NOL6: variants seen among roughly 807,000 people sequenced by gnomAD.
The protein encoded by NOL6 is nucleolar protein 6.
A neutral mutation model predicts 131.7 loss-of-function variants in NOL6; 33 were observed. That is an observed-to-expected ratio of 0.25 (90% CI 0.19 to 0.33). The LOEUF is 0.33. Ranked by LOEUF, NOL6 falls within the 10% of genes least tolerant of loss-of-function variation. The pLI, the probability that NOL6 is intolerant of heterozygous loss-of-function variation, is 1.00. For synonymous variants in NOL6, 580 were observed against 605.7 expected (o/e 0.96, Z 0.62); for missense variants, 1,297 against 1,494.5 (o/e 0.87, Z 2.18).
intron 23 of NOL6, 50 bp downstream of exon 23, chr9:33,463,781 A>G (rs376418116): frequency 3.8e-6 from 6 of 1,591,976 alleles, no homozygotes; most frequent in Non-Finnish European, 5.2e-6. Flanking sequence ...CTGAACTTCC[A>G]AAGACAGAAT....
At chr9:33,473,758 G>T in intron 1 of NOL6, 31 bp downstream of exon 1, 1 of 1,610,784 alleles carries the variant, frequency 6.2e-7, no homozygotes, top group Non-Finnish European at 8.5e-7. Context: ...CGCACATTGA[G>T]CCTCTGTTCC....
At chr9:33,472,585 A>G (rs1370392225) in intron 1 of NOL6, 173 bp from the exon 2 acceptor site, 2 of 620,506 alleles carry the variant, frequency 3.2e-6, no homozygotes, top group African/African-American at 1.8e-5. Flanking sequence ...AACATCACTG[A>G]GCGCTGAGCC....
At position 33,467,609 on chromosome 9, in the gene NOL6, G is replaced by A. The variant is rs150911524; in HGVS notation, c.1602+82C>T. 5.5e-5 allele frequency: 87 copies of A among 1,572,692 alleles called. No homozygotes were observed. In the African/African-American group the frequency reaches 8.5e-4, roughly 15 times the overall value. On this transcript the variant is annotated intron_variant, in intron 12 of 25. Coordinates refer to ENST00000297990, the MANE Select transcript of NOL6 (RefSeq NM_022917.5). This position sits in a 1 kb window ranked among gnomAD's most constrained non-coding sequence, Gnocchi z 4.4. ...AGCTAGCTAGAAACGCCTAGCTGGA[G>A]GAATGGTGTGTCCTTTGTGTCTCTT... is the stretch of plus-strand genomic sequence containing the variant.
chr9:33,468,265 G>C, intron 10 of NOL6, 56 bp downstream of exon 10: 2 of 1,609,206 alleles, frequency 1.2e-6, no homozygotes, highest in Non-Finnish European at 1.7e-6. Flanking sequence ...ACTTGCAAAA[G>C]GGACAGAGTC....
At chr9:33,468,463 T>TA in intron 9 of NOL6, 41 bp from the exon 10 acceptor site, 1 of 1,613,460 alleles carries the variant, frequency 6.2e-7, no homozygotes, top group Non-Finnish European at 8.5e-7. Flanking sequence ...ATTGGCACCT[T>TA]ACTTGCAGGC....
Position 33,464,936 on chromosome 9 carries a change from A to C in NOL6, c.2722T>G (p.Ser908Ala). The change falls in exon 21 of 26, where the codon TCA becomes GCA. Residue 908 changes from serine to alanine, a missense_variant. Physicochemically the swap from Ser to Ala is moderately conservative, Grantham distance 99. Coordinates refer to ENST00000297990, the MANE Select transcript of NOL6 (RefSeq NM_022917.5). ...GGGTTGTTCTTCCAATCAAACGTTG[A>C]TACCAAGAAAAGGAATCGAAGGAAG... ...VGFLRFLFLVSTFDWKNNPLF... is the reference protein window; with the variant it reads ...VGFLRFLFLVATFDWKNNPLF... 6.2e-7 allele frequency: 1 copy of C among 1,614,066 alleles called. No homozygotes were observed. Among genetic ancestry groups the C allele is most frequent in the Non-Finnish European group, 8.5e-7 (1 of 1,180,012 alleles).
In NOL6 at chr9:33,466,677, C is replaced by G; in HGVS notation, c.1983G>C (p.Ala661=). The change falls in exon 16 of 26, where the codon GCG becomes GCC. Residue 661 remains alanine, a synonymous_variant. Coordinates refer to ENST00000297990, the MANE Select transcript of NOL6 (RefSeq NM_022917.5). ...TSSTGEEALV[A]AVRCYDDLSR... ...TGAGGTCGTCGTAGCAACGTACCGC[C>G]GCTACCAGGGCCTCCTCACCTGTGC... The G allele has an allele frequency of 6.2e-7, 1 of 1,613,856 alleles. No homozygotes were observed. Among genetic ancestry groups the G allele is most frequent in the Non-Finnish European group, 8.5e-7 (1 of 1,179,960 alleles).
intron 3 of NOL6, 127 bp downstream of exon 3, chr9:33,471,877 T>C (rs886309721): frequency 2.7e-6 from 2 of 733,332 alleles, no homozygotes; most frequent in Non-Finnish European, 4.9e-6. Context: ...CCAGCTAAGC[T>C]TCCTTGCTGT....
In NOL6 at chr9:33,468,558, C is replaced by T. The variant is rs546481675; in HGVS notation, c.1156G>A (p.Asp386Asn). 574 of 1,614,142 alleles carry T rather than the reference C, an allele frequency of 3.6e-4. 7 individuals carry two copies. The South Asian group carries it at 5.9e-3, about 17-fold the overall frequency. Residue 386 changes from aspartate (D) to asparagine (N), a missense_variant, in exon 9 of 26, where the codon GAC becomes AAC. By Grantham distance (23) the Asp-to-Asn change is conservative. Coordinates refer to ENST00000297990, the MANE Select transcript of NOL6 (RefSeq NM_022917.5). The part of the protein sequence containing the change: ...RSVLQFLATT[D>N]LTVNGISLCL... ...AAACTGATCCCGTTGACTGTCAGGT[C>T]TGTAGTGGCTGAAGTGAATCACAAG...
In NOL6 at chr9:33,467,736, C is replaced by T. The variant is rs771614427; in HGVS notation, c.1557G>A (p.Gly519=). Reference sequence around the variant, plus strand: ...AGTGAGCCAGCAGGTTCAGCCGAGCCCCCAGGCCCTGCTCCAGGAGGGTGG... The same window carrying T: ...AGTGAGCCAGCAGGTTCAGCCGAGCTCCCAGGCCCTGCTCCAGGAGGGTGG... ...PLTTLLEQGL[G]ARLNLLAHSR... The change falls in exon 12 of 26, where the codon GGG becomes GGA. Residue 519 remains glycine (G), a synonymous_variant. Transcript: ENST00000297990. The surrounding 1 kb of genome is among the most constrained non-coding windows in gnomAD (Gnocchi z 4.4). The T allele has an allele frequency of 2.0e-4, 322 of 1,598,180 alleles. No individual in the cohort carries two copies. The highest frequency in any genetic ancestry group is 2.7e-4 in the Non-Finnish European group (312 of 1,173,132).
Position 33,468,019 on chromosome 9 carries a change from C to G in NOL6, c.1424+11G>C, listed in dbSNP as rs1244805513. On this transcript the variant is annotated intron_variant, in intron 11 of 25. Coordinates refer to ENST00000297990, the MANE Select transcript of NOL6 (RefSeq NM_022917.5). ...GGACCCGCCAACATACCCTGTCACC[C>G]CTAAACTCACTGCAGGACATGGTCA... 6.2e-7 allele frequency: 1 copy of G among 1,614,106 alleles called. No homozygotes were observed. Among genetic ancestry groups the G allele is most frequent in the Non-Finnish European group, 8.5e-7 (1 of 1,180,028 alleles).
At chr9:33,466,784 G>A in intron 15 of NOL6, 75 bp from the exon 16 acceptor site, 1 of 1,590,520 alleles carries the variant, frequency 6.3e-7, no homozygotes. Context: ...CCCAGCTCAG[G>A]CTGCAGCAGA....
rs372570439 is a variant in NOL6 at position 33,463,212 on chromosome 9, C to G, written c.3189+35G>C. On this transcript the variant is annotated intron_variant, in intron 24 of 25. Transcript: ENST00000297990. Reference sequence around the variant, plus strand: ...CACAGCCTCAGCTTCACCTGGAAGTCCCCTCCCCAGGTCATTCAGCTGTTT... The same window carrying G: ...CACAGCCTCAGCTTCACCTGGAAGTGCCCTCCCCAGGTCATTCAGCTGTTT... The G allele has an allele frequency of 6.4e-4, 1,026 of 1,609,358 alleles. 1 individual carries two copies. The highest frequency in any genetic ancestry group is 7.8e-4 in the Non-Finnish European group (920 of 1,176,148).
intron 2 of NOL6, 39 bp downstream of exon 2, chr9:33,472,167 T>C (rs1162658129): frequency 6.2e-7 from 1 of 1,613,412 alleles, no homozygotes; most frequent in Non-Finnish European, 8.5e-7. Flanking sequence ...GGGTCCCAGG[T>C]ACACACCTCG....
rs1478400635 is a variant in NOL6, at chr9:33,467,406, T to C, written c.1713A>G (p.Ala571=). ...TGGGGTCCCCCACCTCAGGCTGGTC[T>C]GCCTCTGGACCCAGCTCAAGGACGC... is the stretch of plus-strand genomic sequence containing the variant. ...LTSVLELGPE[A]DQPEAAKFRQ... Residue 571 remains alanine, a synonymous_variant, in exon 13 of 26, where the codon GCA becomes GCG. Transcript: ENST00000297990. This position sits in a 1 kb window ranked among gnomAD's most constrained non-coding sequence, Gnocchi z 4.4. The C allele has an allele frequency of 6.2e-7, 1 of 1,614,166 alleles. No homozygotes were observed. The highest frequency in any genetic ancestry group is 1.1e-5 in the South Asian group (1 of 91,086).
chr9:33,467,633 T>C lies in NOL6; in HGVS notation c.1602+58A>G, dbSNP rs1827283472. 2 of 1,551,904 alleles carry C rather than the reference T, an allele frequency of 1.3e-6. No individual in the cohort carries two copies. Among genetic ancestry groups the C allele is most frequent in the Non-Finnish European group, 1.7e-6 (2 of 1,147,846 alleles). On this transcript the variant is annotated intron_variant, in intron 12 of 25. Coordinates refer to ENST00000297990, the MANE Select transcript of NOL6 (RefSeq NM_022917.5). The surrounding 1 kb of genome is among the most constrained non-coding windows in gnomAD (Gnocchi z 4.4). ...AGGAATGGTGTGTCCTTTGTGTCTC[T>C]TGGGACCCTGGATCCAGCCCAACTC...
intron 7 of NOL6, 32 bp downstream of exon 7, chr9:33,468,926 C>T (rs1461931194): frequency 6.2e-7 from 1 of 1,613,984 alleles, no homozygotes; most frequent in East Asian, 2.2e-5. Flanking sequence ...CACAGGCGCT[C>T]AGGTAGGGAG....
At position 33,462,691 on chromosome 9, in the gene NOL6, C is replaced by T; in HGVS notation, c.3414G>A (p.Glu1138=). ...VLGEGLVQTV[E]ARSERWTV is the part of the protein sequence containing the mutation. The stretch of plus-strand genomic sequence containing the variant: ...ACACAGTCCACCTCTCACTTCGGGC[C>T]TCCACAGTCTGCACCAGGCCTTCAC... Residue 1138 remains glutamate, a synonymous_variant, in exon 26 of 26, where the codon GAG becomes GAA. Coordinates refer to ENST00000297990, the MANE Select transcript of NOL6 (RefSeq NM_022917.5). 6.2e-7 allele frequency: 1 copy of T among 1,614,166 alleles called. No individual in the cohort carries two copies. The highest frequency in any genetic ancestry group is 8.5e-7 in the Non-Finnish European group (1 of 1,180,028).
intron 1 of NOL6, 55 bp from the exon 2 acceptor site, chr9:33,472,467 G>A (rs1827440516): frequency 7.2e-7 from 1 of 1,391,228 alleles, no homozygotes; most frequent in Non-Finnish European, 1.0e-6. Flanking sequence ...AGCATCTGCT[G>A]CCTAAAGTGC....
Sources: allele counts gnomAD v4.1 joint callset, GRCh38; gene constraint gnomAD v4.1.1; non-coding constraint Gnocchi (gnomAD v3.1); transcripts MANE v1.5; gene names NCBI Gene and HGNC (gene_info 2026-07-23, HGNC 2026-07-21).